Variants in AKT3 observed in about 807,000 individuals in gnomAD.
The protein encoded by AKT3 is AKT serine/threonine kinase 3.
Under a neutral mutation model 65.3 loss-of-function variants are expected in AKT3, and 15 were observed. That is an observed-to-expected ratio of 0.23 (90% CI 0.15 to 0.35). The LOEUF (loss-of-function observed/expected upper bound fraction) is 0.35, where lower values mean the gene tolerates loss of function less well. AKT3 is among the 10% of genes least tolerant of loss of function. The probability of loss-of-function intolerance (pLI) is 1.00; values close to 1 mark genes in which losing one functional copy is unlikely to be tolerated. For synonymous variants in AKT3, 206 were observed against 183.8 expected (o/e 1.12, Z -0.98); for missense variants, 243 against 576.5 (o/e 0.42, Z 5.92).
intron 8 of AKT3, among the ~76,000 whole-genome samples, chr1:243,592,527 T>A (rs1298832782): frequency 6.6e-6 from 1 of 152,050 alleles, no homozygotes; most frequent in Non-Finnish European, 1.5e-5. Context: ...ACAGAAACTG[T>A]ATAAGCCAGA....
At chr1:243,516,784 A>T (rs1005431659) in intron 12 of AKT3, among the ~76,000 whole-genome samples, 21 of 152,168 alleles carry the variant, frequency 1.4e-4, no homozygotes, top group African/African-American at 4.6e-4. Context: ...ATATTTTGTT[A>T]TTTAGAGATG....
In AKT3 at chr1:243,795,682, G is replaced by C. The variant is rs551473921; in HGVS notation, c.46+47443C>G. ...GAGACGGGGTTTCACCGTTTTAGCC[G>C]GGATGGTCTCGATCTCCTGACCTCG... On this transcript the variant is annotated intron_variant, in intron 2 of 13. Transcript: ENST00000673466. Among the ~76,000 whole-genome samples, 225 of 150,882 alleles carry C rather than the reference G, an allele frequency of 1.5e-3. 1 individual carries two copies. The highest frequency in any genetic ancestry group is 5.3e-3 in the African/African-American group (217 of 41,104).
intron 11 of AKT3, among the ~76,000 whole-genome samples, chr1:243,547,662 C>T (rs1489805037): frequency 6.6e-6 from 1 of 152,060 alleles, no homozygotes; most frequent in East Asian, 1.9e-4. Context: ...AATTGTCAAG[C>T]CATCGTAGGT....
chr1:243,699,334 C>CA (rs1189385272), intron 2 of AKT3, among the ~76,000 whole-genome samples: 2 of 151,004 alleles, frequency 1.3e-5, no homozygotes, highest in African/African-American at 4.9e-5. Context: ...TATGATGTAC[C>CA]AAGTATCCCA....
At chr1:243,661,021 A>G (rs548835922) in intron 4 of AKT3, among the ~76,000 whole-genome samples, 1 of 152,332 alleles carries the variant, frequency 6.6e-6, no homozygotes, top group South Asian at 2.1e-4. Context: ...GACCTCTTCA[A>G]GGAGAACTAC....
chr1:243,734,777 CTG>C (rs1168296538), intron 2 of AKT3, among the ~76,000 whole-genome samples: 4 of 152,208 alleles, frequency 2.6e-5, no homozygotes, highest in South Asian at 2.1e-4. Context: ...ACTTCATAAA[CTG>C]TTTAATTTTG....
At chr1:243,649,861 C>A (rs1681169842) in intron 4 of AKT3, among the ~76,000 whole-genome samples, 1 of 152,110 alleles carries the variant, frequency 6.6e-6, no homozygotes, top group African/African-American at 2.4e-5. Flanking sequence ...GTGAATAGTG[C>A]CGCAATAAAC....
downstream of AKT3, chr1:243,499,635 AAC>A: frequency 1.3e-6 from 1 of 796,672 alleles, no homozygotes; most frequent in Admixed American, 2.0e-5. Flanking sequence ...CATTTTTAGC[AAC>A]AGGTTTTTTT....
At chr1:243,610,471 A>G (rs959590884) in intron 8 of AKT3, among the ~76,000 whole-genome samples, 4 of 152,236 alleles carry the variant, frequency 2.6e-5, no homozygotes, top group Non-Finnish European at 4.4e-5. Context: ...AGACATGAAC[A>G]CACAATACCG....
intron 8 of AKT3, among the ~76,000 whole-genome samples, chr1:243,594,044 G>A (rs1676427265): frequency 1.3e-5 from 2 of 152,120 alleles, no homozygotes; most frequent in African/African-American, 4.8e-5. Context: ...TATCTACATA[G>A]ACATTTCAAA....
At chr1:243,833,499 T>G (rs914105867) in intron 2 of AKT3, among the ~76,000 whole-genome samples, 1 of 151,974 alleles carries the variant, frequency 6.6e-6, no homozygotes, top group Non-Finnish European at 1.5e-5. Context: ...TGGGGGAAAC[T>G]GCCCCCGTGA....
intron 3 of AKT3, among the ~76,000 whole-genome samples, chr1:243,692,693 A>G (rs7513049): frequency 0.87 from 131,705 of 151,804 alleles, 57,252 homozygotes; most frequent in African/African-American, 0.9. Context: ...AGCCAAGATC[A>G]TGCCATTGCA....
At position 243,500,150 on chromosome 1, in the gene AKT3, C is replaced by T; in HGVS notation, c.*5099G>A. The T allele has an allele frequency of 3.3e-6, 1 of 299,608 alleles. No homozygotes were observed. 18.6% of individuals were successfully genotyped at this position (299,608 alleles called of 1,614,324 possible). On this transcript the variant is annotated 3_prime_UTR_variant, in exon 14 of 14. Coordinates refer to ENST00000673466, the MANE Select transcript of AKT3 (RefSeq NM_005465.7). ...TGATGAACAAAACACACCAAAAAGGCACATATTTTAACTAGGCCAAAGTAT... is the reference window on the plus strand; with the variant it reads ...TGATGAACAAAACACACCAAAAAGGTACATATTTTAACTAGGCCAAAGTAT...
intron 8 of AKT3, among the ~76,000 whole-genome samples, chr1:243,577,195 G>A (rs1675004005): frequency 6.6e-6 from 1 of 152,204 alleles, no homozygotes; most frequent in African/African-American, 2.4e-5. Flanking sequence ...CACCCAGGCT[G>A]GAGTGCAGTG....
intron 2 of AKT3, among the ~76,000 whole-genome samples, chr1:243,804,170 G>T (rs1490734475): frequency 6.6e-6 from 1 of 152,278 alleles, no homozygotes; most frequent in East Asian, 1.9e-4. Context: ...GCTTGAGTTG[G>T]ATTTGTGCTG....
rs145119762 is a variant in AKT3, at chr1:243,517,042, G to A, written c.1252-4616C>T. 5.1e-3 allele frequency among the ~76,000 whole-genome samples: 780 copies of A among 152,086 alleles called. 9 individuals carry two copies. Among genetic ancestry groups the A allele is most frequent in the African/African-American group, 0.018 (740 of 41,496 alleles). ...TCACAGCTAAACACATTGTGTTTTC[G>A]TTTTCAGTCCATTCAAAATACTTTC... On this transcript the variant is annotated intron_variant, in intron 12 of 13. Coordinates refer to ENST00000673466, the MANE Select transcript of AKT3 (RefSeq NM_005465.7).
rs373018675 is a variant in AKT3 at position 243,556,396 on chromosome 1, C to CA, written c.949-3454dup. Among the ~76,000 whole-genome samples the CA allele has an allele frequency of 3.5e-3, 517 of 146,188 alleles. 4 individuals carry two copies. The highest frequency in any genetic ancestry group is 0.02 in the South Asian group (92 of 4,650). ...ATTTGGCTAATGGGCTTTTTCAAAACAAAAAAAAAACTATTCATTACAATA... is the reference window on the plus strand; with the variant it reads ...ATTTGGCTAATGGGCTTTTTCAAAACAAAAAAAAAAACTATTCATTACAATA... On this transcript the variant is annotated intron_variant, in intron 10 of 13. Transcript: ENST00000673466.
rs961239896 is a variant in AKT3, at chr1:243,843,117, G to A, written c.46+8C>T. 3 of 1,613,678 alleles carry A rather than the reference G, an allele frequency of 1.9e-6. No individual in the cohort carries two copies. The highest frequency in any genetic ancestry group is 2.7e-5 in the African/African-American group (2 of 75,020). ...AACCGTATTATTTTTGGTTTGCGGA[G>A]CACTTACCCCTCTTCTGAACCCAAC... On this transcript the variant is annotated splice_region_variant and intron_variant, in intron 2 of 13. Transcript: ENST00000673466.
At chr1:243,759,601 T>A (rs928175637) in intron 2 of AKT3, among the ~76,000 whole-genome samples, 2 of 152,098 alleles carry the variant, frequency 1.3e-5, no homozygotes, top group African/African-American at 2.4e-5. Flanking sequence ...GATTTCTTTT[T>A]AAAATGAACT....
Sources: gnomAD v4.1 joint callset for allele counts (sites outside exome capture counted in the v4.1 genomes callset) on GRCh38, gnomAD v4.1.1 for gene constraint, MANE v1.5 for transcripts, NCBI Gene and HGNC (gene_info 2026-07-23, HGNC 2026-07-21) for gene names.